The following NLGN4Y variants were observed in gnomAD, a reference collection of about 807,000 sequenced individuals.
NLGN4Y encodes the protein neuroligin-4, Y-linked.
Under a neutral mutation model 8.4 loss-of-function variants are expected in NLGN4Y, and 4 were observed. That is an observed-to-expected ratio of 0.48 (90% confidence interval 0.23 to 1.09). The LOEUF is 1.09. Among genes scored for constraint, NLGN4Y ranks in the 50% least tolerant of loss-of-function variants. The pLI is 0.19. For synonymous variants in NLGN4Y, 35 were observed against 75.6 expected (o/e 0.46, Z 2.78); for missense variants, 90 against 192.3 (o/e 0.47, Z 3.15).
chrY:14,750,374 C>T, intron 4 of NLGN4Y, among the ~76,000 whole-genome samples: 1 of 32,718 alleles, frequency 3.1e-5, no homozygotes, highest in Non-Finnish European at 7.5e-5. Context: ...GACAGTCTTG[C>T]TATGTTAGTT....
intron 2 of NLGN4Y, among the ~76,000 whole-genome samples, chrY:14,691,514 A>T: frequency 3.0e-5 from 1 of 33,352 alleles, no homozygotes; most frequent in South Asian, 6.8e-4. Context: ...GACAGCTTAT[A>T]TGATTGTTTA....
chrY:14,756,602 G>GTGTAT (rs2081058203), intron 4 of NLGN4Y, among the ~76,000 whole-genome samples: 13 of 26,673 alleles, frequency 4.9e-4, no homozygotes, highest in African/African-American at 2.0e-3. Flanking sequence ...ACAAAAATTA[G>GTGTAT]CCAGGTGTGA....
At chrY:14,788,448 T>C in intron 4 of NLGN4Y, among the ~76,000 whole-genome samples, 2 of 33,138 alleles carry the variant, frequency 6.0e-5, no homozygotes, top group Non-Finnish European at 1.5e-4. Flanking sequence ...AGGCTATTGA[T>C]TGGCTGAGGG....
intron 4 of NLGN4Y, among the ~76,000 whole-genome samples, chrY:14,805,081 C>T (rs994268368): frequency 6.0e-5 from 2 of 33,294 alleles, no homozygotes; most frequent in South Asian, 1.4e-3. Context: ...TCATGTTAGA[C>T]TTGGATACAT....
At chrY:14,826,787 C>A in intron 5 of NLGN4Y, among the ~76,000 whole-genome samples, 2 of 32,495 alleles carry the variant, frequency 6.2e-5, no homozygotes, top group Non-Finnish European at 1.5e-4. Context: ...GTGGTGGACG[C>A]CTGTGGTCTC....
intron 1 of NLGN4Y, among the ~76,000 whole-genome samples, chrY:14,580,506 T>G: frequency 3.1e-5 from 1 of 31,949 alleles, no homozygotes; most frequent in Non-Finnish European, 7.6e-5. Flanking sequence ...TTGAATGGTA[T>G]GTGAATGTGA....
chrY:14,651,250 G>A, intron 2 of NLGN4Y, among the ~76,000 whole-genome samples: 1 of 33,037 alleles, frequency 3.0e-5, no homozygotes, highest in Non-Finnish European at 7.4e-5. Flanking sequence ...TGGAATCGAT[G>A]TGTCAAAGTG....
intron 1 of NLGN4Y, among the ~76,000 whole-genome samples, chrY:14,617,292 GTTTTTTTTTTTTT>G: frequency 1.1e-4 from 1 of 8,814 alleles, no homozygotes; most frequent in South Asian, 2.7e-3. Flanking sequence ...TCTTCTTTAC[GTTTTTTTTTTTTT>G]TTTTTTTTTG....
intron 2 of NLGN4Y, among the ~76,000 whole-genome samples, chrY:14,648,439 C>A: frequency 3.1e-5 from 1 of 32,418 alleles, no homozygotes; most frequent in African/African-American, 1.2e-4. Context: ...ACAAACAGAG[C>A]AAGACTTCAT....
At chrY:14,758,775 A>T in intron 4 of NLGN4Y, among the ~76,000 whole-genome samples, 1 of 33,598 alleles carries the variant, frequency 3.0e-5, no homozygotes, top group Non-Finnish European at 7.3e-5. Context: ...TAGACCACAG[A>T]TGTTTGCCAC....
intron 2 of NLGN4Y, among the ~76,000 whole-genome samples, chrY:14,673,276 T>A: frequency 7.0e-5 from 2 of 28,460 alleles, no homozygotes; most frequent in East Asian, 1.8e-3. Flanking sequence ...TGCAACCTAC[T>A]CATCTGACAA....
intron 2 of NLGN4Y, among the ~76,000 whole-genome samples, chrY:14,669,306 C>G: frequency 3.0e-5 from 1 of 33,331 alleles, no homozygotes; most frequent in Non-Finnish European, 7.4e-5. Context: ...TTTTCAAGGA[C>G]ACAACGAACA....
At chrY:14,582,933 G>C in intron 1 of NLGN4Y, among the ~76,000 whole-genome samples, 1 of 34,133 alleles carries the variant, frequency 2.9e-5, no homozygotes, top group African/African-American at 1.1e-4. Context: ...TCTTAAGATA[G>C]CACTCACCTT....
chrY:14,546,293 G>C lies in NLGN4Y; in HGVS notation c.-112+21585G>C. Among the ~76,000 whole-genome samples the C allele has an allele frequency of 1.5e-4, 5 of 33,101 alleles. No homozygotes were observed. In the South Asian group the frequency reaches 3.4e-3, roughly 23 times the overall value. The allele number at this position is 33,101 out of a possible 37,273, so 88.8% of individuals were successfully genotyped here. A position where few individuals can be genotyped will look rare whatever the true frequency, so the allele number is the denominator to read the frequency against. ...TTGGTTCCATATGAACTTTAAAGTAGTTTTTTCCAACTCTGTGAAGAAAGT... is the reference window on the plus strand; with the variant it reads ...TTGGTTCCATATGAACTTTAAAGTACTTTTTTCCAACTCTGTGAAGAAAGT... On this transcript the variant is annotated intron_variant, in intron 1 of 6. Coordinates refer to ENST00000684976, the MANE Select transcript of NLGN4Y (RefSeq NM_001365588.1).
chrY:14,659,246 A>T, intron 2 of NLGN4Y, among the ~76,000 whole-genome samples: 1 of 32,848 alleles, frequency 3.0e-5, no homozygotes, highest in Non-Finnish European at 7.5e-5. Flanking sequence ...GTCACTTTTA[A>T]CGCACATCCT....
intron 2 of NLGN4Y, among the ~76,000 whole-genome samples, chrY:14,661,674 G>A (rs2080675250): frequency 3.0e-5 from 1 of 33,275 alleles, no homozygotes; most frequent in Non-Finnish European, 7.4e-5. Context: ...TACTGGTGTT[G>A]ACATCTCCAG....
At chrY:14,604,365 T>TGA (rs2080439773) in intron 1 of NLGN4Y, among the ~76,000 whole-genome samples, 3 of 33,392 alleles carry the variant, frequency 9.0e-5, no homozygotes, top group African/African-American at 3.5e-4. Context: ...TACAGCAGCC[T>TGA]GAATGGACTA....
intron 1 of NLGN4Y, among the ~76,000 whole-genome samples, chrY:14,562,610 GA>G: frequency 3.0e-5 from 1 of 33,265 alleles, no homozygotes; most frequent in Admixed American, 2.8e-4. Flanking sequence ...GCTTGATGGG[GA>G]TAGCATTTAA....
intron 4 of NLGN4Y, among the ~76,000 whole-genome samples, chrY:14,806,517 G>T (rs2043057657): frequency 3.1e-5 from 1 of 32,302 alleles, no homozygotes; most frequent in Admixed American, 2.9e-4. Flanking sequence ...TGTGATAAAA[G>T]TTGGAAAATT....
Sources: allele counts gnomAD v4.1 joint callset (sites outside exome capture counted in the v4.1 genomes callset), GRCh38; gene constraint gnomAD v4.1.1; transcripts MANE v1.5; gene names NCBI Gene and HGNC (gene_info 2026-07-23, HGNC 2026-07-21).